Variants in UBA3 observed in about 807,000 individuals in gnomAD.
UBA3 encodes NEDD8-activating enzyme E1 catalytic subunit.
A neutral mutation model predicts 73.5 loss-of-function variants in UBA3; 26 were observed. The observed-to-expected ratio is 0.35, with a 90% CI of 0.26 to 0.49. The LOEUF (loss-of-function observed/expected upper bound fraction) is 0.49. Among genes scored for constraint, UBA3 ranks in the 20% least tolerant of loss-of-function variants. UBA3 has a pLI of 0.98. For missense variants in UBA3, 495 were observed against 555.6 expected (o/e 0.89, Z 1.10); for synonymous variants, 217 against 191.2 (o/e 1.13, Z -1.11).
chr3:69,066,670 G>C (rs1035493635), intron 6 of UBA3, among the ~76,000 whole-genome samples: 1 of 152,030 alleles, frequency 6.6e-6, no homozygotes, highest in Admixed American at 6.6e-5. Flanking sequence ...GACCTCAAGT[G>C]ATCCACCCAC....
intron 3 of UBA3, among the ~76,000 whole-genome samples, chr3:69,077,101 C>A (rs1234908265): frequency 6.7e-6 from 1 of 149,472 alleles, no homozygotes; most frequent in African/African-American, 2.5e-5. Flanking sequence ...ACTTTCAATT[C>A]TTTTTCTTTT....
At chr3:69,070,440 T>C (rs1437130684) in intron 5 of UBA3, among the ~76,000 whole-genome samples, 2 of 152,084 alleles carry the variant, frequency 1.3e-5, no homozygotes, top group Non-Finnish European at 2.9e-5. Flanking sequence ...CTTTATCCTA[T>C]ATACCCAGAA....
intron 11 of UBA3, chr3:69,061,557 AGACT>A (rs2092021234): frequency 3.1e-6 from 1 of 325,614 alleles, no homozygotes; most frequent in Admixed American, 4.4e-5. Context: ...AATGTGAAAT[AGACT>A]GTCTCTAAGA....
At chr3:69,064,220 T>C (rs746200122) in intron 6 of UBA3, 109 bp from the exon 7 acceptor site, 59 of 847,894 alleles carry the variant, frequency 7.0e-5, no homozygotes, top group Middle Eastern at 3.5e-4. Flanking sequence ...AAATAAGTAA[T>C]CAATGTTCAC....
At chr3:69,070,501 A>G (rs978254133) in intron 5 of UBA3, among the ~76,000 whole-genome samples, 3 of 152,052 alleles carry the variant, frequency 2.0e-5, no homozygotes, top group Non-Finnish European at 4.4e-5. Context: ...TAGAGAGAGA[A>G]AAAAAAAGTC....
At position 69,062,248 on chromosome 3, in the gene UBA3, G is replaced by A. The variant is rs2092028020; in HGVS notation, c.694-69C>T. 23 of 1,006,056 alleles carry A rather than the reference G, an allele frequency of 2.3e-5. No homozygotes were observed. In the Middle Eastern group the frequency reaches 8.3e-4, roughly 37 times the overall value. The allele number at this position is 1,006,056 out of a possible 1,614,324, so 62.3% of individuals were successfully genotyped here. On this transcript the variant is annotated intron_variant, in intron 9 of 17. Coordinates refer to ENST00000361055, the MANE Select transcript of UBA3 (RefSeq NM_003968.4). ...ATTTTAAAATGCAACTTCCAGTTAT[G>A]ATCTAGTTCTTAACAATTTCATACA...
chr3:69,056,893 G>T, intron 12 of UBA3, 78 bp from the exon 13 acceptor site: 1 of 1,460,278 alleles, frequency 6.8e-7, no homozygotes, highest in Non-Finnish European at 9.3e-7. Flanking sequence ...AATCAGAACA[G>T]ATAAATTTAC....
Position 69,067,917 on chromosome 3 carries a change from CA to C in UBA3, c.428+10del. ...AAAAATTAAGTAATTTTCTTTTTGT[CA>C]AAAGGATACGGAACTACATTGCAAT... On this transcript the variant is annotated intron_variant, in intron 6 of 17. Transcript: ENST00000361055. 6.3e-7 allele frequency: 1 copy of C among 1,585,404 alleles called. No homozygotes were observed. The highest frequency in any genetic ancestry group is 8.6e-7 in the Non-Finnish European group (1 of 1,160,232).
intron 12 of UBA3, 128 bp downstream of exon 12, chr3:69,057,128 C>A (rs1444856756): frequency 3.0e-6 from 3 of 1,014,466 alleles, no homozygotes; most frequent in African/African-American, 1.6e-5. Context: ...ATAACTGGTT[C>A]TTTTTCGACA....
intron 11 of UBA3, 60 bp downstream of exon 11, chr3:69,061,754 G>A (rs933245159): frequency 1.8e-6 from 2 of 1,114,048 alleles, no homozygotes; most frequent in African/African-American, 3.1e-5. Flanking sequence ...TTATTCTCCT[G>A]AAAGCATCCC....
chr3:69,060,924 G>A (rs2092016050), intron 11 of UBA3, among the ~76,000 whole-genome samples: 2 of 152,228 alleles, frequency 1.3e-5, no homozygotes, highest in East Asian at 3.8e-4. Flanking sequence ...GGTCTCACCA[G>A]AAGCCAAGCA....
In UBA3 at chr3:69,067,705, A is replaced by G. The variant is rs568329761; in HGVS notation, c.428+223T>C. Among the ~76,000 whole-genome samples the G allele has an allele frequency of 5.0e-4, 76 of 152,274 alleles. No homozygotes were observed. The South Asian group carries it at 0.015, about 30-fold the overall frequency. On this transcript the variant is annotated intron_variant, in intron 6 of 17. Coordinates refer to ENST00000361055, the MANE Select transcript of UBA3 (RefSeq NM_003968.4). The stretch of plus-strand genomic sequence containing the variant: ...AAGTAGATGATGAAACAGGCTTTAT[A>G]AACTTAAGTTAAAAATCAGGGCCCA...
intron 2 of UBA3, among the ~76,000 whole-genome samples, chr3:69,078,515 C>T (rs2092188757): frequency 6.6e-6 from 1 of 151,920 alleles, no homozygotes; most frequent in Non-Finnish European, 1.5e-5. Flanking sequence ...ACTGTGTTGC[C>T]CAGGCTGGAG....
intron 3 of UBA3, among the ~76,000 whole-genome samples, chr3:69,075,809 G>A (rs1000258666): frequency 1.3e-5 from 2 of 151,592 alleles, no homozygotes; most frequent in Non-Finnish European, 1.5e-5. Flanking sequence ...TCGGCTCACT[G>A]CAACCTCCGC....
intron 4 of UBA3, among the ~76,000 whole-genome samples, chr3:69,073,534 C>T (rs1435567261): frequency 1.3e-5 from 2 of 152,130 alleles, no homozygotes; most frequent in African/African-American, 4.8e-5. Flanking sequence ...ATGCAAACAC[C>T]TTTCTGTATT....
intron 6 of UBA3, among the ~76,000 whole-genome samples, chr3:69,066,055 T>C (rs998472093): frequency 2.4e-4 from 36 of 152,326 alleles, no homozygotes; most frequent in African/African-American, 8.2e-4. Flanking sequence ...GTCTGTGGCT[T>C]TTCTTCATCC....
Position 69,062,965 on chromosome 3 carries a change from G to C in UBA3, c.693+17C>G. On this transcript the variant is annotated intron_variant, in intron 9 of 17. Coordinates refer to ENST00000361055, the MANE Select transcript of UBA3 (RefSeq NM_003968.4). ...GCCAAGATACTATAAAAGAAATGCA[G>C]GTGCTTTTTTGATTACCTGTGGTGG... The C allele has an allele frequency of 1.2e-6, 2 of 1,612,686 alleles. No homozygotes were observed. The highest frequency in any genetic ancestry group is 1.7e-6 in the Non-Finnish European group (2 of 1,179,322).
rs781196441 is a variant in UBA3, at chr3:69,057,277, A to G, written c.943T>C (p.Ser315Pro). Residue 315 changes from serine (S) to proline (P), a missense_variant, in exon 12 of 18, where the codon TCC (serine) becomes CCC (proline). By Grantham distance (74) the Ser-to-Pro change is moderately conservative. Transcript: ENST00000361055. The part of the protein sequence containing the change: ...VVKRIIPAVA[S>P]TNAVIAAVCA... Reference sequence around the variant, plus strand: ...TCACCTGCAATGACTGCATTTGTGGAAGCTACTGCAGGAATGATTCTTTTT... The same window carrying G: ...TCACCTGCAATGACTGCATTTGTGGGAGCTACTGCAGGAATGATTCTTTTT... 2.0e-5 allele frequency: 33 copies of G among 1,611,876 alleles called. No homozygotes were observed. The highest frequency in any genetic ancestry group is 2.5e-5 in the Non-Finnish European group (29 of 1,179,500).
In UBA3 at chr3:69,057,170, CA is replaced by C. The variant is rs1559640298; in HGVS notation, c.964+85del. 9 of 1,365,458 alleles carry C rather than the reference CA, an allele frequency of 6.6e-6. No homozygotes were observed. The East Asian group carries it at 1.9e-4, about 28-fold the overall frequency. The allele number at this position is 1,365,458 out of a possible 1,614,324, so 84.6% of individuals were successfully genotyped here. A position where few individuals can be genotyped will look rare whatever the true frequency, so the allele number is the denominator to read the frequency against. ...TTACACAACCCATCCAAGAAGATAT[CA>C]AATTCCTACAACACAAAAAAGCTGC... On this transcript the variant is annotated intron_variant, in intron 12 of 17. Coordinates refer to ENST00000361055, the MANE Select transcript of UBA3 (RefSeq NM_003968.4).
Sources: allele counts gnomAD v4.1 joint callset (sites outside exome capture counted in the v4.1 genomes callset), GRCh38; gene constraint gnomAD v4.1.1; transcripts MANE v1.5; gene names NCBI Gene and HGNC (gene_info 2026-07-23, HGNC 2026-07-21).